The following FRMD3 variants were observed in gnomAD, a reference collection of about 807,000 sequenced individuals.
FRMD3 encodes the protein FERM domain-containing protein 3.
Under a neutral mutation model 70.2 loss-of-function variants are expected in FRMD3, and 33 were observed. That is an observed-to-expected ratio of 0.47 (90% CI 0.36 to 0.63). The LOEUF is 0.63. Ranked by LOEUF, FRMD3 falls within the 20% of genes least tolerant of loss-of-function variation. The probability of loss-of-function intolerance (pLI) is 0.00; values close to 1 mark genes in which losing one functional copy is unlikely to be tolerated. For synonymous variants in FRMD3, 279 were observed against 255.9 expected (o/e 1.09, Z -0.86); for missense variants, 632 against 711.4 (o/e 0.89, Z 1.27).
At chr9:83,385,553 C>T (rs1479142603) in intron 2 of FRMD3, among the ~76,000 whole-genome samples, 1 of 152,132 alleles carries the variant, frequency 6.6e-6, no homozygotes, top group Admixed American at 6.6e-5. Context: ...CAAATGCAAT[C>T]GTGCTAAATA....
chr9:83,524,797 A>G (rs1036800613), intron 1 of FRMD3, among the ~76,000 whole-genome samples: 1 of 152,212 alleles, frequency 6.6e-6, no homozygotes, highest in Non-Finnish European at 1.5e-5. Flanking sequence ...CTATAAGTAT[A>G]TAGAAAGCTT....
chr9:83,340,026 G>C (rs1341350746), intron 5 of FRMD3, among the ~76,000 whole-genome samples: 1 of 152,160 alleles, frequency 6.6e-6, no homozygotes, highest in Non-Finnish European at 1.5e-5. Flanking sequence ...TGAAGCTTCA[G>C]TATATTCTGA....
At chr9:83,489,077 A>T (rs35561467) in intron 1 of FRMD3, among the ~76,000 whole-genome samples, 23,403 of 151,418 alleles carry the variant, frequency 0.15, 2,121 homozygotes, top group East Asian at 0.33. Context: ...GGAGGTATCT[A>T]TTTACCATAT....
chr9:83,413,000 T>TA (rs1288826071), intron 1 of FRMD3, among the ~76,000 whole-genome samples: 2 of 146,890 alleles, frequency 1.4e-5, no homozygotes, highest in Non-Finnish European at 3.0e-5. Flanking sequence ...TCAAAAAAAA[T>TA]AAAAAAAGGA....
At chr9:83,280,949 C>T (rs1283482509) in intron 13 of FRMD3, among the ~76,000 whole-genome samples, 1 of 152,174 alleles carries the variant, frequency 6.6e-6, no homozygotes, top group African/African-American at 2.4e-5. Context: ...CGTACACTCC[C>T]AAGACTCAGC....
intron 1 of FRMD3, among the ~76,000 whole-genome samples, chr9:83,504,433 G>C (rs1189628601): frequency 6.6e-6 from 1 of 152,014 alleles, no homozygotes; most frequent in East Asian, 1.9e-4. Flanking sequence ...CTCTTCAAGT[G>C]ACCTATAAGA....
intron 13 of FRMD3, among the ~76,000 whole-genome samples, chr9:83,251,380 T>C (rs1832420179): frequency 7.2e-5 from 11 of 151,994 alleles, no homozygotes; most frequent in Admixed American, 7.2e-4. Context: ...ACCATAAAGA[T>C]CGAAGATAGA....
chr9:83,489,505 A>G lies in FRMD3; in HGVS notation c.147+48580T>C, dbSNP rs370768386. On this transcript the variant is annotated intron_variant, in intron 1 of 13. Coordinates refer to ENST00000304195, the MANE Select transcript of FRMD3 (RefSeq NM_174938.6). ...GAAGCAACCGACAAACATGTGAAAA[A>G]ATGCTCAACATCACTAATTATCAGA... Among the ~76,000 whole-genome samples, 11 of 152,346 alleles carry G rather than the reference A, an allele frequency of 7.2e-5. No individual in the cohort carries two copies. The East Asian group carries it at 1.2e-3, about 16-fold the overall frequency.
At chr9:83,279,302 T>C (rs1833890103) in intron 13 of FRMD3, 1 of 152,166 alleles carries the variant, frequency 6.6e-6, no homozygotes, top group Non-Finnish European at 1.5e-5. Flanking sequence ...CTGTTATTAA[T>C]TTTCAATTTT....
intron 1 of FRMD3, among the ~76,000 whole-genome samples, chr9:83,451,032 G>A (rs900221131): frequency 6.6e-6 from 1 of 152,150 alleles, no homozygotes; most frequent in East Asian, 1.9e-4. Context: ...CGAGAGCAAC[G>A]AACACGAGTT....
intron 1 of FRMD3, among the ~76,000 whole-genome samples, chr9:83,407,878 T>TTCTCTCTCTCTCTCTCTCTC (rs147066768): frequency 2.4e-4 from 21 of 89,086 alleles, no homozygotes; most frequent in African/African-American, 8.8e-4. Flanking sequence ...TCTCTCATCT[T>TTCTCTCTCTCTCTCTCTCTC]TCTCTCTCTC....
chr9:83,265,640 A>T (rs1833223372), intron 13 of FRMD3, among the ~76,000 whole-genome samples: 1 of 152,206 alleles, frequency 6.6e-6, no homozygotes, highest in African/African-American at 2.4e-5. Context: ...ATTTGAAAAG[A>T]TCCTCATCTT....
chr9:83,372,931 T>C lies in FRMD3; in HGVS notation c.277A>G (p.Ile93Val), dbSNP rs1345864669. The change falls in exon 3 of 14, where the codon ATC becomes GTC. Residue 93 changes from isoleucine to valine, a missense_variant. Transcript: ENST00000304195. ...QRHWLEPNKS[I>V]FKQMKTHPPY... ...CACTTACTTTTCATTTGCTTGAAGA[T>C]GGACTTGTTAGGTTCAAGCCAGTGC... The C allele has an allele frequency of 5.6e-6, 9 of 1,612,060 alleles. No individual in the cohort carries two copies. Among genetic ancestry groups the C allele is most frequent in the Non-Finnish European group, 6.8e-6 (8 of 1,179,524 alleles).
intron 1 of FRMD3, among the ~76,000 whole-genome samples, chr9:83,504,150 C>A (rs1239685741): frequency 1.3e-5 from 2 of 152,150 alleles, no homozygotes; most frequent in Non-Finnish European, 2.9e-5. Flanking sequence ...TTGCCAGCTT[C>A]CCCTTCAAGG....
At chr9:83,582,040 C>T in the FRMD3 span, among the ~76,000 whole-genome samples, 2 of 152,090 alleles carry the variant, frequency 1.3e-5, no homozygotes, top group Admixed American at 1.3e-4. Flanking sequence ...AAGAATTATA[C>T]CTCAAAAGGT....
intron 13 of FRMD3, among the ~76,000 whole-genome samples, chr9:83,259,979 C>G (rs553137702): frequency 6.6e-6 from 1 of 152,118 alleles, no homozygotes; most frequent in African/African-American, 2.4e-5. Flanking sequence ...CCTAAGACAC[C>G]TGGACTCAGG....
At chr9:83,268,012 C>T (rs1181440752) in intron 13 of FRMD3, among the ~76,000 whole-genome samples, 1 of 152,194 alleles carries the variant, frequency 6.6e-6, no homozygotes, top group Non-Finnish European at 1.5e-5. Context: ...GACCTGACCA[C>T]AATCACGAAG....
chr9:83,322,971 T>C (rs1388216122), intron 6 of FRMD3, among the ~76,000 whole-genome samples: 3 of 152,172 alleles, frequency 2.0e-5, no homozygotes, highest in African/African-American at 7.2e-5. Context: ...TAAATGCAAA[T>C]TAAAACTATG....
Position 83,440,880 on chromosome 9 carries a change from C to T in FRMD3, c.148-51172G>A, listed in dbSNP as rs142778840. On this transcript the variant is annotated intron_variant, in intron 1 of 13. Coordinates refer to ENST00000304195, the MANE Select transcript of FRMD3 (RefSeq NM_174938.6). ...CCAGGAGGTGTGGGGGCCATTAGGGCTGCATTCTGGTTCTCCTCTCCTTCA... is the reference window on the plus strand; with the variant it reads ...CCAGGAGGTGTGGGGGCCATTAGGGTTGCATTCTGGTTCTCCTCTCCTTCA... Among the ~76,000 whole-genome samples the T allele has an allele frequency of 2.5e-4, 38 of 152,260 alleles. No individual in the cohort carries two copies. In the East Asian group the frequency reaches 6.0e-3, roughly 24 times the overall value.
Sources: allele counts gnomAD v4.1 joint callset (sites outside exome capture counted in the v4.1 genomes callset), GRCh38; gene constraint gnomAD v4.1.1; transcripts MANE v1.5; gene names NCBI Gene and HGNC (gene_info 2026-07-23, HGNC 2026-07-21).